The following CENPI variants were observed in gnomAD, a reference collection of about 807,000 sequenced individuals.
CENPI encodes the protein centromere protein I.
CENPI carries 4 observed loss-of-function variants against 60.4 expected under a neutral mutation model. That is an observed-to-expected ratio of 0.07 (90% confidence interval 0.03 to 0.15). CENPI has a LOEUF of 0.15. CENPI is among the 10% of genes least tolerant of loss of function. The probability of loss-of-function intolerance (pLI) is 1.00; values close to 1 mark genes in which losing one functional copy is unlikely to be tolerated. For missense variants in CENPI, 444 were observed against 534.5 expected (o/e 0.83, Z 1.67); for synonymous variants, 157 against 189.4 (o/e 0.83, Z 1.40).
At chrX:101,148,705 G>A (rs1210052807) in intron 20 of CENPI, among the ~76,000 whole-genome samples, 1 of 111,874 alleles carries the variant, frequency 8.9e-6, no homozygotes, top group African/African-American at 3.2e-5. Flanking sequence ...CATTATGTGT[G>A]TGTGACATGG....
At chrX:101,120,475 T>G in intron 7 of CENPI, 25 bp downstream of exon 7, 1 of 798,861 alleles carries the variant, frequency 1.3e-6, no homozygotes, top group Non-Finnish European at 1.9e-6. Flanking sequence ...TACAGTTGTA[T>G]TATACTTTGT....
chrX:101,115,251 A>C (rs1438785005), intron 6 of CENPI, among the ~76,000 whole-genome samples: 1 of 108,022 alleles, frequency 9.3e-6, no homozygotes, highest in Non-Finnish European at 1.9e-5. Flanking sequence ...GGCTTGAGCC[A>C]CCGAGCCCGG....
rs141662027 is a variant in CENPI, at chrX:101,148,939, G to A, written c.2094+778G>A. The stretch of plus-strand genomic sequence containing the variant: ...CACTACAGTGAATAAGACACTCTGA[G>A]TGTTGTCCTCAGAGAGCTTAACATC... On this transcript the variant is annotated intron_variant, in intron 20 of 21. Coordinates refer to ENST00000682095, the MANE Select transcript of CENPI (RefSeq NM_001386188.2). Among the ~76,000 whole-genome samples, 346 of 111,917 alleles carry A rather than the reference G, an allele frequency of 3.1e-3. 2 individuals carry two copies. The highest frequency in any genetic ancestry group is 0.011 in the African/African-American group (335 of 30,853).
At position 101,156,821 on chromosome X, in the gene CENPI, G is replaced by A. The variant is rs372405813; in HGVS notation, c.2095-4707G>A. On this transcript the variant is annotated intron_variant, in intron 20 of 21. Transcript: ENST00000682095. Reference sequence around the variant, plus strand: ...CAGTCCCACCTAGATTGCTGCAAATGCCATTAATTCATTCATTTTTATGGC... The same window carrying A: ...CAGTCCCACCTAGATTGCTGCAAATACCATTAATTCATTCATTTTTATGGC... Among the ~76,000 whole-genome samples, 14 of 109,541 alleles carry A rather than the reference G, an allele frequency of 1.3e-4. No homozygotes were observed. In the East Asian group the frequency reaches 3.7e-3, roughly 29 times the overall value.
the CENPI span, among the ~76,000 whole-genome samples, chrX:101,180,451 A>G: frequency 1.8e-5 from 2 of 111,753 alleles, no homozygotes; most frequent in African/African-American, 6.5e-5. Context: ...CCCATTTTTA[A>G]ATTGGGTTAT....
At chrX:101,135,780 G>A (rs763936603) in intron 15 of CENPI, among the ~76,000 whole-genome samples, 7 of 111,518 alleles carry the variant, frequency 6.3e-5, no homozygotes, top group Non-Finnish European at 9.4e-5. Context: ...GAGTGCAGTG[G>A]CGTGATCTTG....
intron 20 of CENPI, among the ~76,000 whole-genome samples, chrX:101,152,725 G>A (rs771959996): frequency 3.6e-5 from 4 of 110,517 alleles, no homozygotes; most frequent in Non-Finnish European, 7.6e-5. Flanking sequence ...TTAGCATAAT[G>A]TTTTCAACAT....
intron 6 of CENPI, among the ~76,000 whole-genome samples, chrX:101,116,401 C>A (rs987995252): frequency 9.1e-6 from 1 of 110,201 alleles, no homozygotes; most frequent in South Asian, 3.9e-4. Context: ...GACTGGGCAC[C>A]CCCTGATTAA....
intron 20 of CENPI, among the ~76,000 whole-genome samples, chrX:101,156,898 T>C (rs1374926266): frequency 9.0e-6 from 1 of 111,673 alleles, no homozygotes; most frequent in African/African-American, 3.3e-5. Context: ...TACCCACTCA[T>C]TGATTGATGG....
chrX:101,134,452 G>GA (rs1004870072), intron 15 of CENPI, among the ~76,000 whole-genome samples: 1 of 111,472 alleles, frequency 9.0e-6, no homozygotes, highest in Non-Finnish European at 1.9e-5. Flanking sequence ...CAGCCAGGGA[G>GA]AAAAAAAGAG....
intron 11 of CENPI, 54 bp downstream of exon 11, chrX:101,127,719 T>G: frequency 1.1e-6 from 1 of 941,416 alleles, no homozygotes; most frequent in Non-Finnish European, 1.4e-6. Flanking sequence ...TTTCATGGCC[T>G]TTGTTTTTTT....
In CENPI at chrX:101,127,366, T is replaced by C. The variant is rs758751637; in HGVS notation, c.906+100T>C. ...AGGAGATTATAGATATTTAAGTATA[T>C]GTCAGTTACCCAGGATTCTGTGTAA... is the stretch of plus-strand genomic sequence containing the variant. On this transcript the variant is annotated intron_variant, in intron 10 of 21. Transcript: ENST00000682095. The C allele has an allele frequency of 9.6e-5, 93 of 968,793 alleles. No homozygotes were observed. In the Admixed American group the frequency reaches 1.0e-3, roughly 11 times the overall value. 79.8% of individuals were successfully genotyped at this position (968,793 alleles called of 1,213,427 possible). A position where few individuals can be genotyped will look rare whatever the true frequency, so the allele number is the denominator to read the frequency against.
At chrX:101,129,013 T>G (rs1395601817) in intron 12 of CENPI, among the ~76,000 whole-genome samples, 177 bp downstream of exon 12, 4 of 111,887 alleles carry the variant, frequency 3.6e-5, no homozygotes, top group Non-Finnish European at 5.6e-5. Flanking sequence ...AGAGGGATTT[T>G]GTTAAGGAAA....
intron 20 of CENPI, among the ~76,000 whole-genome samples, chrX:101,159,093 G>A (rs1385503678): frequency 2.7e-5 from 3 of 111,676 alleles, no homozygotes; most frequent in Non-Finnish European, 3.8e-5. Context: ...GAAATGGACT[G>A]CTTTGAGATA....
At chrX:101,131,508 C>T (rs142089031) in intron 13 of CENPI, among the ~76,000 whole-genome samples, 67 of 111,652 alleles carry the variant, frequency 6.0e-4, no homozygotes, top group East Asian at 3.4e-3. Flanking sequence ...GACATCAAAG[C>T]GGTCATATCC....
chrX:101,114,463 C>T (rs995380516), intron 6 of CENPI, among the ~76,000 whole-genome samples: 6 of 111,607 alleles, frequency 5.4e-5, no homozygotes, highest in Non-Finnish European at 1.1e-4. Flanking sequence ...TGCTATCACT[C>T]CCATCTCTCT....
intron 6 of CENPI, among the ~76,000 whole-genome samples, chrX:101,116,543 G>A (rs2089625548): frequency 9.0e-6 from 1 of 111,477 alleles, no homozygotes; most frequent in African/African-American, 3.3e-5. Context: ...CTGATAACAA[G>A]GGATGACTAT....
chrX:101,102,441 T>G, intron 4 of CENPI, 30 bp downstream of exon 4: 2 of 1,074,505 alleles, frequency 1.9e-6, no homozygotes, highest in Non-Finnish European at 2.5e-6. Context: ...TTTTTTTCTT[T>G]TAACTCACCT....
chrX:101,132,289 C>T lies in CENPI; in HGVS notation c.1387C>T (p.Pro463Ser), dbSNP rs1417290696. 6 of 1,201,719 alleles carry T rather than the reference C, an allele frequency of 5.0e-6. No homozygotes were observed. The highest frequency in any genetic ancestry group is 6.8e-6 in the Non-Finnish European group (6 of 888,144). Reference protein sequence around the residue: ...SQFLQLVSWIPFSSFSEVKPL... With the variant: ...SQFLQLVSWISFSSFSEVKPL... ...GTTCCTTCAGCTTGTGAGCTGGATTCCTTTTAGTAGCTTCTCTGGTATGTA... is the reference window on the plus strand; with the variant it reads ...GTTCCTTCAGCTTGTGAGCTGGATTTCTTTTAGTAGCTTCTCTGGTATGTA... Residue 463 changes from proline to serine, a missense_variant, in exon 14 of 22, where the codon CCT (proline) becomes TCT (serine). By Grantham distance (74) the Pro-to-Ser change is moderately conservative. Transcript: ENST00000682095.
Sources: allele counts gnomAD v4.1 joint callset (sites outside exome capture counted in the v4.1 genomes callset), GRCh38; gene constraint gnomAD v4.1.1; transcripts MANE v1.5; gene names NCBI Gene and HGNC (gene_info 2026-07-23, HGNC 2026-07-21).